Variants in DOK6 observed in about 807,000 individuals in gnomAD.
DOK6 encodes the protein docking protein 6.
DOK6 carries 22 observed loss-of-function variants against 44.0 expected under a neutral mutation model. That is an observed-to-expected ratio of 0.50 (90% CI 0.36 to 0.71). DOK6 has a LOEUF of 0.71. Ranked by LOEUF, DOK6 falls within the 30% of genes least tolerant of loss-of-function variation. The pLI, the probability that DOK6 is intolerant of heterozygous loss-of-function variation, is 0.00. For missense variants in DOK6, 340 were observed against 416.4 expected (o/e 0.82, Z 1.60); for synonymous variants, 166 against 145.5 (o/e 1.14, Z -1.01).
intron 1 of DOK6, among the ~76,000 whole-genome samples, chr18:69,512,332 C>CTTTTTTTTT (rs548031851): frequency 1.2e-4 from 11 of 91,674 alleles, no homozygotes; most frequent in African/African-American, 2.3e-4. Flanking sequence ...CTTTCTTCTT[C>CTTTTTTTTT]TTTTTTTTTT....
At chr18:69,549,108 A>AAT (rs1555712148) in intron 1 of DOK6, among the ~76,000 whole-genome samples, 5 of 142,484 alleles carry the variant, frequency 3.5e-5, no homozygotes, top group Non-Finnish European at 7.8e-5. Flanking sequence ...AAAAAAAAAA[A>AAT]CAACAACAAA....
intron 1 of DOK6, among the ~76,000 whole-genome samples, chr18:69,447,672 C>G (rs1477819480): frequency 6.6e-6 from 1 of 152,178 alleles, no homozygotes; most frequent in Non-Finnish European, 1.5e-5. Context: ...CCTGCCTTAG[C>G]TTTCACCTCC....
At chr18:69,819,517 C>A (rs1482332093) in intron 7 of DOK6, among the ~76,000 whole-genome samples, 1 of 152,126 alleles carries the variant, frequency 6.6e-6, no homozygotes, top group Non-Finnish European at 1.5e-5. Context: ...TGCTTTCTAA[C>A]TGTGGTAAGA....
chr18:69,710,367 T>G (rs946709555), intron 5 of DOK6, among the ~76,000 whole-genome samples: 2 of 152,234 alleles, frequency 1.3e-5, no homozygotes, highest in Admixed American at 6.5e-5. Context: ...GGTATTCTCA[T>G]GCTTCTCACA....
intron 4 of DOK6, among the ~76,000 whole-genome samples, chr18:69,689,815 T>C (rs953049551): frequency 1.3e-5 from 2 of 152,186 alleles, no homozygotes; most frequent in Non-Finnish European, 2.9e-5. Context: ...AGATTAAAAT[T>C]GGCTTACTTT....
At position 69,652,999 on chromosome 18, in the gene DOK6, A is replaced by G. The variant is rs77775607; in HGVS notation, c.290-24735A>G. On this transcript the variant is annotated intron_variant, in intron 3 of 7. Coordinates refer to ENST00000382713, the MANE Select transcript of DOK6 (RefSeq NM_152721.6). ...TTTGAAAGATTCACGATGGAATTCT[A>G]CTTCTGGCTATGGGGGACTTACTTT... Among the ~76,000 whole-genome samples the G allele has an allele frequency of 5.7e-3, 867 of 152,314 alleles. 7 individuals carry two copies. Among genetic ancestry groups the G allele is most frequent in the South Asian group, 0.013 (62 of 4,824 alleles).
At chr18:69,697,388 A>G (rs1034560550) in intron 4 of DOK6, among the ~76,000 whole-genome samples, 2 of 152,000 alleles carry the variant, frequency 1.3e-5, no homozygotes. Flanking sequence ...CCACAGAGGT[A>G]TATCTGCCAG....
At chr18:69,593,414 A>T (rs1983667357) in intron 2 of DOK6, among the ~76,000 whole-genome samples, 1 of 151,270 alleles carries the variant, frequency 6.6e-6, no homozygotes, top group African/African-American at 2.4e-5. Context: ...AGAATTTGAT[A>T]CTCTTCATTA....
intron 1 of DOK6, among the ~76,000 whole-genome samples, chr18:69,428,509 A>C (rs1978706781): frequency 6.6e-6 from 1 of 152,028 alleles, no homozygotes; most frequent in Non-Finnish European, 1.5e-5. Flanking sequence ...TAATTAATAT[A>C]AAAATATAAA....
At chr18:69,523,235 G>A (rs1397816189) in intron 1 of DOK6, among the ~76,000 whole-genome samples, 3 of 152,048 alleles carry the variant, frequency 2.0e-5, no homozygotes, top group Admixed American at 1.3e-4. Flanking sequence ...GGATGACAGA[G>A]TGAACAATGG....
chr18:69,522,655 A>C (rs1981719728), intron 1 of DOK6, among the ~76,000 whole-genome samples: 2 of 152,114 alleles, frequency 1.3e-5, no homozygotes, highest in African/African-American at 4.8e-5. Context: ...ATCGTTTTAA[A>C]CCATCCTTCT....
At chr18:69,429,614 G>A (rs1201405699) in intron 1 of DOK6, among the ~76,000 whole-genome samples, 3 of 95,372 alleles carry the variant, frequency 3.1e-5, no homozygotes, top group Non-Finnish European at 6.9e-5. Flanking sequence ...AAAATATTGA[G>A]GGATACATAT....
intron 1 of DOK6, among the ~76,000 whole-genome samples, chr18:69,468,589 C>A (rs1979995129): frequency 1.3e-5 from 2 of 152,174 alleles, no homozygotes; most frequent in South Asian, 4.1e-4. Flanking sequence ...TATCTGTGCT[C>A]TATTTTCTGA....
intron 6 of DOK6, among the ~76,000 whole-genome samples, chr18:69,750,839 C>G (rs1286208093): frequency 6.6e-6 from 1 of 151,938 alleles, no homozygotes; most frequent in Non-Finnish European, 1.5e-5. Flanking sequence ...TGTTTATCAA[C>G]AAATGAATGG....
At chr18:69,659,175 C>T (rs1985444888) in intron 3 of DOK6, among the ~76,000 whole-genome samples, 1 of 152,218 alleles carries the variant, frequency 6.6e-6, no homozygotes, top group African/African-American at 2.4e-5. Context: ...TTCTCTGCTG[C>T]TCCAGCATTT....
At chr18:69,645,804 T>C (rs1985057821) in intron 3 of DOK6, among the ~76,000 whole-genome samples, 1 of 152,204 alleles carries the variant, frequency 6.6e-6, no homozygotes, top group Non-Finnish European at 1.5e-5. Flanking sequence ...GTGCGTAAAC[T>C]TCTCAAGGAG....
rs17081715 is a variant in DOK6, at chr18:69,841,056, A to C, written c.857-188A>C. 5.5e-3 allele frequency among the ~76,000 whole-genome samples: 842 copies of C among 152,342 alleles called. 19 individuals carry two copies. The East Asian group carries it at 0.076, about 14-fold the overall frequency. ...CTGAATACATTTTAATTCATCAAGG[A>C]TCAAGGCAACAAGATTGCTCAATTT... On this transcript the variant is annotated intron_variant, in intron 7 of 7. Transcript: ENST00000382713.
intron 7 of DOK6, among the ~76,000 whole-genome samples, chr18:69,761,863 C>G (rs1047192648): frequency 2.0e-5 from 3 of 152,234 alleles, no homozygotes; most frequent in Admixed American, 2.0e-4. Context: ...CCGAGTTACG[C>G]AAGTTACCGG....
At chr18:69,807,593 T>C (rs1478260467) in intron 7 of DOK6, among the ~76,000 whole-genome samples, 2 of 151,864 alleles carry the variant, frequency 1.3e-5, no homozygotes, top group Non-Finnish European at 2.9e-5. Flanking sequence ...AGTAAAATGA[T>C]AGAAAAACAT....
Sources: allele counts gnomAD v4.1 joint callset (sites outside exome capture counted in the v4.1 genomes callset), GRCh38; gene constraint gnomAD v4.1.1; transcripts MANE v1.5; gene names NCBI Gene and HGNC (gene_info 2026-07-23, HGNC 2026-07-21).